The following CSMD1 variants were observed in gnomAD, a reference collection of about 807,000 sequenced individuals.
CSMD1 encodes CUB and Sushi multiple domains 1, also known as CUB and sushi domain-containing protein 1.
Under a neutral mutation model 417.5 loss-of-function variants are expected in CSMD1, and 213 were observed. The ratio of observed to expected loss-of-function variants is 0.51; its 90% CI spans 0.46 to 0.57. CSMD1 has a LOEUF of 0.57. Ranked by LOEUF, CSMD1 falls within the 20% of genes least tolerant of loss-of-function variation. The pLI is 0.00. For missense variants in CSMD1, 6,923 were observed against 4,529.7 expected (o/e 1.53, Z -15.17); for synonymous variants, 2,862 against 1,736.8 (o/e 1.65, Z -16.11).
intron 10 of CSMD1, among the ~76,000 whole-genome samples, chr8:3,524,463 G>A (rs1027534415): frequency 1.3e-5 from 2 of 148,784 alleles, no homozygotes; most frequent in Non-Finnish European, 3.0e-5. Flanking sequence ...ACATATGCAT[G>A]CACACCCAGA....
At chr8:4,358,419 G>A (rs1801557578) in intron 3 of CSMD1, among the ~76,000 whole-genome samples, 1 of 152,172 alleles carries the variant, frequency 6.6e-6, no homozygotes, top group Admixed American at 6.5e-5. Flanking sequence ...GAAAATATAT[G>A]AAATTCAAAT....
intron 52 of CSMD1, among the ~76,000 whole-genome samples, chr8:3,009,394 A>G (rs193001279): frequency 1.5e-3 from 224 of 152,374 alleles, no homozygotes; most frequent in African/African-American, 5.1e-3. Context: ...GTAGGGGAAT[A>G]CAATATGCTT....
At chr8:3,706,481 C>T (rs1801175787) in intron 7 of CSMD1, among the ~76,000 whole-genome samples, 1 of 152,172 alleles carries the variant, frequency 6.6e-6, no homozygotes, top group Non-Finnish European at 1.5e-5. Flanking sequence ...ATGATTAATT[C>T]CCATGCTTGA....
chr8:4,122,210 C>G (rs1350247502), intron 3 of CSMD1, among the ~76,000 whole-genome samples: 4 of 152,094 alleles, frequency 2.6e-5, no homozygotes, highest in Admixed American at 2.6e-4. Flanking sequence ...TAATGATAGT[C>G]TATTTGCTGA....
chr8:3,334,448 T>A, intron 23 of CSMD1, among the ~76,000 whole-genome samples: 1 of 152,158 alleles, frequency 6.6e-6, no homozygotes, highest in East Asian at 1.9e-4. Context: ...ATGTTTAATG[T>A]TGATGTCATT....
chr8:4,714,177 G>T (rs1373411734), intron 1 of CSMD1, among the ~76,000 whole-genome samples: 3 of 151,972 alleles, frequency 2.0e-5, no homozygotes, highest in Non-Finnish European at 2.9e-5. Flanking sequence ...CTTGTGTTCT[G>T]CACACCAACA....
chr8:3,948,154 G>C (rs1176852918), intron 5 of CSMD1, among the ~76,000 whole-genome samples: 2 of 152,138 alleles, frequency 1.3e-5, no homozygotes, highest in African/African-American at 4.8e-5. Flanking sequence ...GCAGTCAGCT[G>C]AGATTGCACC....
intron 26 of CSMD1, among the ~76,000 whole-genome samples, chr8:3,254,720 G>C (rs141721560): frequency 2.6e-5 from 4 of 152,084 alleles, no homozygotes; most frequent in African/African-American, 9.7e-5. Context: ...TTTCAGCTCC[G>C]TCAGGTCCTT....
intron 1 of CSMD1, among the ~76,000 whole-genome samples, chr8:4,663,772 G>A (rs1804753936): frequency 6.6e-6 from 1 of 152,150 alleles, no homozygotes; most frequent in Admixed American, 6.5e-5. Context: ...ACGTGAGAAT[G>A]GACTAATGCA....
chr8:3,515,283 G>C (rs1297894870), intron 10 of CSMD1: 3 of 152,164 alleles, frequency 2.0e-5, no homozygotes, highest in African/African-American at 7.2e-5. Context: ...TCTGGAGTAT[G>C]TGGTGTAAAT....
At chr8:4,767,449 C>T (rs1812540055) in intron 1 of CSMD1, among the ~76,000 whole-genome samples, 1 of 152,144 alleles carries the variant, frequency 6.6e-6, no homozygotes, top group South Asian at 2.1e-4. Flanking sequence ...CAATCCCGCA[C>T]ATAGCTCACT....
At chr8:3,284,067 A>C (rs1802950294) in intron 26 of CSMD1, 77 bp downstream of exon 26, 8 of 1,178,860 alleles carry the variant, frequency 6.8e-6, no homozygotes, top group African/African-American at 3.0e-5. Flanking sequence ...ACGCTGGTGA[A>C]TATAAATGGA....
chr8:4,342,638 T>C (rs1002064194), intron 3 of CSMD1, among the ~76,000 whole-genome samples: 2 of 149,332 alleles, frequency 1.3e-5, no homozygotes, highest in African/African-American at 2.6e-5. Context: ...ACATTCTTTA[T>C]TTATTTTCAT....
At chr8:4,286,261 T>C (rs1585160269) in intron 3 of CSMD1, among the ~76,000 whole-genome samples, 1 of 152,288 alleles carries the variant, frequency 6.6e-6, no homozygotes, top group East Asian at 1.9e-4. Context: ...ATGCTCTCCA[T>C]GTCTCACTTG....
chr8:3,593,570 AC>A (rs1178112438), intron 8 of CSMD1, among the ~76,000 whole-genome samples: 1 of 152,200 alleles, frequency 6.6e-6, no homozygotes, highest in Non-Finnish European at 1.5e-5. Context: ...TCCAGATCTG[AC>A]TTTTAACCTG....
chr8:3,308,055 T>TGATAATTCTAATAATATGTGATAATTC (rs1354220665), intron 24 of CSMD1, among the ~76,000 whole-genome samples: 1 of 30,286 alleles, frequency 3.3e-5, no homozygotes, highest in Non-Finnish European at 7.3e-5. Context: ...GACACTCATG[T>TGATAATTCTAATAATATGTGATAATTC]GATAATTCTA....
rs1279503855 is a variant in CSMD1 at position 3,810,648 on chromosome 8, TA to T, written c.819-56607del. On this transcript the variant is annotated intron_variant, in intron 5 of 69. Transcript: ENST00000635120. The stretch of plus-strand genomic sequence containing the variant: ...TTGGGGGACTGGAGTCTTTAGTTTA[TA>T]AAACTTTGAGAAAGTAGCTTTTCTG... Among the ~76,000 whole-genome samples the T allele has an allele frequency of 5.3e-5, 8 of 152,324 alleles. No homozygotes were observed. The East Asian group carries it at 1.2e-3, about 22-fold the overall frequency.
intron 8 of CSMD1, among the ~76,000 whole-genome samples, chr8:3,595,803 T>C (rs1801063659): frequency 6.6e-6 from 1 of 152,202 alleles, no homozygotes; most frequent in African/African-American, 2.4e-5. Context: ...AAAAATTAAA[T>C]CCTCACGTTC....
At chr8:4,322,379 C>T (rs112544529) in intron 3 of CSMD1, among the ~76,000 whole-genome samples, 1 of 152,094 alleles carries the variant, frequency 6.6e-6, no homozygotes, top group African/African-American at 2.4e-5. Flanking sequence ...TAGAATTCCC[C>T]CAGTTGGCAA....
Sources: gnomAD v4.1 joint callset for allele counts (sites outside exome capture counted in the v4.1 genomes callset) on GRCh38, gnomAD v4.1.1 for gene constraint, MANE v1.5 for transcripts, NCBI Gene and HGNC (gene_info 2026-07-23, HGNC 2026-07-21) for gene names.